Variants in FIS1 observed in about 807,000 individuals in gnomAD.
FIS1 encodes the protein mitochondrial fission 1 protein.
A neutral mutation model predicts 21.6 loss-of-function variants in FIS1; 16 were observed. The observed-to-expected ratio is 0.74, with a 90% confidence interval of 0.50 to 1.12. The LOEUF is 1.12. Ranked by LOEUF, FIS1 falls within the 50% of genes most tolerant of loss-of-function variation. The pLI is 0.00. For missense variants in FIS1, 198 were observed against 190.9 expected, an observed-to-expected ratio of 1.04 and a Z score of -0.22; for synonymous variants, 92 against 82.2, an observed-to-expected ratio of 1.12 and a Z score of -0.65.
chr7:101,239,922 A>G lies in FIS1; in HGVS notation c.362-19T>C. On this transcript the variant is annotated intron_variant, in intron 4 of 4. Coordinates refer to ENST00000223136, the MANE Select transcript of FIS1 (RefSeq NM_016068.3). ...AGTCCATCTGGGGAAGGAAAGGGACAGTGTCAGGAGCCCGGCCCCTGCGGA... is the reference window on the plus strand; with the variant it reads ...AGTCCATCTGGGGAAGGAAAGGGACGGTGTCAGGAGCCCGGCCCCTGCGGA... The G allele has an allele frequency of 6.3e-7, 1 of 1,581,416 alleles. No individual in the cohort carries two copies. Among genetic ancestry groups the G allele is most frequent in the Non-Finnish European group, 8.6e-7 (1 of 1,161,516 alleles).
At position 101,244,500 on chromosome 7, in the gene FIS1, T is replaced by G. The variant is rs1262385512; in HGVS notation, c.46-361A>C. On this transcript the variant is annotated intron_variant, in intron 1 of 4. Coordinates refer to ENST00000223136, the MANE Select transcript of FIS1 (RefSeq NM_016068.3). ...TCATTTGAGGCTGCTGGCCCCATCC[T>G]GCCCCACCCTGCCGGGCCTGGACCT... The G allele has an allele frequency of 2.7e-5, 9 of 336,324 alleles. No individual in the cohort carries two copies. The East Asian group carries it at 5.8e-4, about 22-fold the overall frequency. The allele number at this position is 336,324 out of a possible 1,614,324, so 20.8% of individuals were successfully genotyped here.
At chr7:101,243,980 C>T (rs1322649294) in intron 2 of FIS1, 27 bp downstream of exon 2, 2 of 1,593,730 alleles carry the variant, frequency 1.3e-6, no homozygotes, top group Non-Finnish European at 1.7e-6. Context: ...CAGATGGCAG[C>T]GGGAAAGGGA....
Position 101,239,631 on chromosome 7 carries a change from T to G in FIS1, c.*175A>C, listed in dbSNP as rs1798705514. ...CGGGGGTTCCCAAGCCACAGCCCCG[T>G]TTTATTTACACTCATCCCAAAGCAC... On this transcript the variant is annotated 3_prime_UTR_variant, in exon 5 of 5. Transcript: ENST00000223136. 336 of 606,226 alleles carry G rather than the reference T, an allele frequency of 5.5e-4. No individual in the cohort carries two copies. Among genetic ancestry groups the G allele is most frequent in the East Asian group, 1.2e-3 (35 of 29,340 alleles). 37.6% of individuals were successfully genotyped at this position (606,226 alleles called of 1,614,324 possible). A position where few individuals can be genotyped will look rare whatever the true frequency, so the allele number is the denominator to read the frequency against.
intron 2 of FIS1, among the ~76,000 whole-genome samples, chr7:101,243,590 A>T (rs1047177251): frequency 2.6e-4 from 39 of 152,096 alleles, no homozygotes; most frequent in African/African-American, 8.2e-4. Flanking sequence ...AAAACAAAAA[A>T]CAAAAAGCAC....
In FIS1 at chr7:101,245,030, C is replaced by G. The variant is rs1161980050; in HGVS notation, c.-26G>C. On this transcript the variant is annotated 5_prime_UTR_variant, in exon 1 of 5. Coordinates refer to ENST00000223136, the MANE Select transcript of FIS1 (RefSeq NM_016068.3). The stretch of plus-strand genomic sequence containing the variant: ...GGCCACTGCCCCCGCGAGCCTCACA[C>G]TACAGTCTACTGTGCCACAGTCTCC... 3.1e-6 allele frequency: 5 copies of G among 1,613,520 alleles called. No homozygotes were observed. In the South Asian group the frequency reaches 4.4e-5, roughly 14 times the overall value.
intron 3 of FIS1, 24 bp from the exon 4 acceptor site, chr7:101,240,271 C>T (rs1349123370): frequency 1.9e-5 from 31 of 1,605,612 alleles, no homozygotes; most frequent in Non-Finnish European, 2.6e-5. Context: ...AACGCGCACG[C>T]GTCATACACA....
chr7:101,239,643 T>A lies in FIS1; in HGVS notation c.*163A>T. The A allele has an allele frequency of 4.4e-6, 3 of 682,828 alleles. No individual in the cohort carries two copies. The highest frequency in any genetic ancestry group is 5.3e-6 in the Non-Finnish European group (2 of 375,772). 42.3% of individuals were successfully genotyped at this position (682,828 alleles called of 1,614,324 possible). On this transcript the variant is annotated 3_prime_UTR_variant, in exon 5 of 5. Coordinates refer to ENST00000223136, the MANE Select transcript of FIS1 (RefSeq NM_016068.3). ...AGCCACAGCCCCGTTTTATTTACAC[T>A]CATCCCAAAGCACATGATGGGGCTG...
chr7:101,239,802 T>G lies in FIS1; in HGVS notation c.*4A>C, dbSNP rs772250665. ...AGCGTTCTCCGTGGGCTCCCGCGTC[T>G]CCTTCAGGATTTGGACTTGGACACA... On this transcript the variant is annotated 3_prime_UTR_variant, in exon 5 of 5. Transcript: ENST00000223136. The G allele has an allele frequency of 3.1e-6, 5 of 1,592,064 alleles. No homozygotes were observed.
In FIS1 at chr7:101,243,910, A is replaced by G. The variant is rs1584272724; in HGVS notation, c.178+97T>C. 4 of 1,457,962 alleles carry G rather than the reference A, an allele frequency of 2.7e-6. No individual in the cohort carries two copies. The South Asian group carries it at 4.1e-5, about 15-fold the overall frequency. The allele number at this position is 1,457,962 out of a possible 1,614,324, so 90.3% of individuals were successfully genotyped here. A position where few individuals can be genotyped will look rare whatever the true frequency, so the allele number is the denominator to read the frequency against. On this transcript the variant is annotated intron_variant, in intron 2 of 4. Coordinates refer to ENST00000223136, the MANE Select transcript of FIS1 (RefSeq NM_016068.3). ...AGCTAAGTATAGCCCTTGGTGCAGT[A>G]AATCTACCGGAGACAACTCAGAGGT...
In FIS1 at chr7:101,242,913, T is replaced by C. The variant is rs373834992; in HGVS notation, c.178+1094A>G. On this transcript the variant is annotated intron_variant, in intron 2 of 4. Transcript: ENST00000223136. ...AAGATAGTTGCATCTGTATTGAACA[T>C]GAACAGACCTTTTTTTCTTGCCATT... Among the ~76,000 whole-genome samples, 20 of 152,268 alleles carry C rather than the reference T, an allele frequency of 1.3e-4. No individual in the cohort carries two copies. The East Asian group carries it at 3.9e-3, about 29-fold the overall frequency.
rs188723552 is a variant in FIS1 at position 101,244,728 on chromosome 7, C to T, written c.45+232G>A. The T allele has an allele frequency of 3.2e-3, 1,856 of 581,382 alleles. 13 individuals carry two copies. The Middle Eastern group carries it at 0.038, about 12-fold the overall frequency. 36.0% of individuals were successfully genotyped at this position (581,382 alleles called of 1,614,324 possible). A position where few individuals can be genotyped will look rare whatever the true frequency, so the allele number is the denominator to read the frequency against. ...TCCCGTCAGTCTAACCACGGTCGGGCTCCAGGCCCGTAGTCTGAGGTGTGG... is the reference window on the plus strand; with the variant it reads ...TCCCGTCAGTCTAACCACGGTCGGGTTCCAGGCCCGTAGTCTGAGGTGTGG... On this transcript the variant is annotated intron_variant, in intron 1 of 4. Coordinates refer to ENST00000223136, the MANE Select transcript of FIS1 (RefSeq NM_016068.3).
rs758682894 is a variant in FIS1 at position 101,239,722 on chromosome 7, C to CG, written c.*83dup. On this transcript the variant is annotated 3_prime_UTR_variant, in exon 5 of 5. Transcript: ENST00000223136. ...AGCTGAAGGCCACAGAGGATAGAGA[C>CG]GGGGGGCAGGGGGAGAACAGGGAAA... The CG allele has an allele frequency of 4.4e-5, 49 of 1,117,244 alleles. No individual in the cohort carries two copies. The highest frequency in any genetic ancestry group is 6.0e-5 in the Admixed American group (3 of 50,226). The allele number at this position is 1,117,244 out of a possible 1,614,324, so 69.2% of individuals were successfully genotyped here.
intron 2 of FIS1, among the ~76,000 whole-genome samples, chr7:101,242,283 G>C (rs137916441): frequency 6.6e-6 from 1 of 152,082 alleles, no homozygotes; most frequent in African/African-American, 2.4e-5. Flanking sequence ...GTATGCACTA[G>C]AATTTGTTGC....
At chr7:101,242,672 A>G (rs1798765330) in intron 2 of FIS1, among the ~76,000 whole-genome samples, 1 of 152,038 alleles carries the variant, frequency 6.6e-6, no homozygotes, top group African/African-American at 2.4e-5. Context: ...TATTTTTAGT[A>G]GAGACAGGGT....
rs1195975230 is a variant in FIS1, at chr7:101,240,161, A to C, written c.342T>G (p.Ile114Met). The C allele has an allele frequency of 6.2e-7, 1 of 1,614,004 alleles. No homozygotes were observed. Among genetic ancestry groups the C allele is most frequent in the Non-Finnish European group, 8.5e-7 (1 of 1,180,022 alleles). Reference protein sequence around the residue: ...NNQAKELERLIDKAMKKDGLV... With the variant: ...NNQAKELERLMDKAMKKDGLV... ...TGTCACCTTTCTTCATGGCCTTGTC[A>C]ATGAGCCGCTCCAGTTCCTTGGCCT... The change falls in exon 4 of 5, where the codon ATT (isoleucine) becomes ATG (methionine). Residue 114 changes from isoleucine to methionine, a missense_variant. Transcript: ENST00000223136.
chr7:101,241,062 C>G, intron 2 of FIS1, 156 bp from the exon 3 acceptor site: 1 of 695,630 alleles, frequency 1.4e-6, no homozygotes. Flanking sequence ...CTCCCAGCAC[C>G]CTAGCCAGAG....
chr7:101,240,113 G>C, intron 4 of FIS1, 29 bp downstream of exon 4: 1 of 1,609,794 alleles, frequency 6.2e-7, no homozygotes. Flanking sequence ...GGGAAGAGCG[G>C]GGCTGAACAA....
At position 101,239,840 on chromosome 7, in the gene FIS1, A is replaced by G; in HGVS notation, c.425T>C (p.Leu142Pro). 1.3e-6 allele frequency: 2 copies of G among 1,596,142 alleles called. No homozygotes were observed. The highest frequency in any genetic ancestry group is 1.1e-5 in the South Asian group (1 of 88,478). ...MALGVAGLAG[L>P]IGLAVSKSKS ...GGACTTGGACACAGCAAGTCCGATG[A>G]GTCCGGCCAGTCCCGCCACACCCAG... The change falls in exon 5 of 5, where the codon CTC (leucine) becomes CCC (proline). Residue 142 changes from leucine to proline, a missense_variant. Physicochemically the swap from Leu to Pro is moderately conservative, Grantham distance 98. Transcript: ENST00000223136.
At chr7:101,243,012 G>C (rs1798769178) in intron 2 of FIS1, among the ~76,000 whole-genome samples, 2 of 152,098 alleles carry the variant, frequency 1.3e-5, no homozygotes, top group Non-Finnish European at 2.9e-5. Context: ...ATCTACAGAT[G>C]ATTTAAAGTA....
Sources: gnomAD v4.1 joint callset for allele counts (sites outside exome capture counted in the v4.1 genomes callset) on GRCh38, gnomAD v4.1.1 for gene constraint, MANE v1.5 for transcripts, NCBI Gene and HGNC (gene_info 2026-07-23, HGNC 2026-07-21) for gene names.